Variants in CADM2 observed in about 807,000 individuals in gnomAD.
CADM2 encodes immunoglobulin superfamily member 4D.
A neutral mutation model predicts 49.8 loss-of-function variants in CADM2; 12 were observed. That is an observed-to-expected ratio of 0.24 (90% CI 0.15 to 0.39). The LOEUF is 0.39. Among genes scored for constraint, CADM2 ranks in the 10% least tolerant of loss-of-function variants. The pLI, the probability that CADM2 is intolerant of heterozygous loss-of-function variation, is 1.00. For synonymous variants in CADM2, 214 were observed against 175.4 expected (o/e 1.22, Z -1.74); for missense variants, 378 against 492.3 (o/e 0.77, Z 2.20).
intron 5 of CADM2, among the ~76,000 whole-genome samples, chr3:85,898,818 G>A (rs1235941653): frequency 6.7e-6 from 1 of 149,882 alleles, no homozygotes; most frequent in Admixed American, 6.7e-5. Flanking sequence ...ATTTTTCTTA[G>A]GCAAATGCCT....
chr3:86,020,912 C>A (rs1733074109), intron 8 of CADM2, among the ~76,000 whole-genome samples: 1 of 152,076 alleles, frequency 6.6e-6, no homozygotes, highest in Non-Finnish European at 1.5e-5. Context: ...GAAGCATTCC[C>A]TTTGAAAACT....
intron 8 of CADM2, among the ~76,000 whole-genome samples, chr3:85,997,936 T>C (rs1019950675): frequency 2.0e-5 from 3 of 152,216 alleles, no homozygotes; most frequent in Non-Finnish European, 1.5e-5. Context: ...GTATCATTTA[T>C]CATCAATTCA....
At chr3:85,316,388 C>A (rs2044464654) in intron 1 of CADM2, among the ~76,000 whole-genome samples, 1 of 152,064 alleles carries the variant, frequency 6.6e-6, no homozygotes, top group Non-Finnish European at 1.5e-5. Flanking sequence ...GTATTCTAAT[C>A]CTCTGCTTAG....
intron 8 of CADM2, chr3:85,992,140 C>T (rs555984453): frequency 2.6e-5 from 4 of 151,942 alleles, no homozygotes; most frequent in African/African-American, 9.6e-5. Flanking sequence ...AAAAAAGAGA[C>T]TTCCTTATCC....
chr3:85,288,206 A>G (rs2043684361), intron 1 of CADM2, among the ~76,000 whole-genome samples: 1 of 152,118 alleles, frequency 6.6e-6, no homozygotes, highest in South Asian at 2.1e-4. Flanking sequence ...AATGCGTTTA[A>G]TATTCTACCA....
intron 1 of CADM2, among the ~76,000 whole-genome samples, chr3:84,994,990 G>A (rs747684766): frequency 1.1e-4 from 17 of 152,020 alleles, no homozygotes; most frequent in East Asian, 7.8e-4. Flanking sequence ...AAATTGAACC[G>A]TTGCACTCCA....
intron 6 of CADM2, among the ~76,000 whole-genome samples, chr3:85,927,642 G>A (rs1325661564): frequency 6.6e-6 from 1 of 152,080 alleles, no homozygotes; most frequent in Non-Finnish European, 1.5e-5. Context: ...CAATGCAAAT[G>A]ACTGCTACTT....
chr3:85,388,359 A>G (rs2034351211), intron 1 of CADM2, among the ~76,000 whole-genome samples: 1 of 152,134 alleles, frequency 6.6e-6, no homozygotes, highest in South Asian at 2.1e-4. Flanking sequence ...CGTCACAATA[A>G]TATGTTTGGC....
In CADM2 at chr3:85,896,300, A is replaced by G. The variant is rs142779548; in HGVS notation, c.529+9973A>G. Among the ~76,000 whole-genome samples, 1,441 of 152,264 alleles carry G rather than the reference A, an allele frequency of 9.5e-3. 12 individuals are homozygous for G. The highest frequency in any genetic ancestry group is 0.026 in the South Asian group (126 of 4,828). Reference sequence around the variant, plus strand: ...GACCTCGTCTCAAATAAAAGAGAAAAAAGTTTGAGGTTGAAGTAATTATAC... The same window carrying G: ...GACCTCGTCTCAAATAAAAGAGAAAGAAGTTTGAGGTTGAAGTAATTATAC... On this transcript the variant is annotated intron_variant, in intron 5 of 9. Transcript: ENST00000383699.
intron 1 of CADM2, among the ~76,000 whole-genome samples, chr3:85,712,340 A>G (rs964726259): frequency 2.0e-5 from 3 of 152,184 alleles, no homozygotes; most frequent in African/African-American, 7.2e-5. Context: ...TGGTTTGTTT[A>G]GTATATCACA....
At chr3:85,474,996 G>A (rs2038919867) in intron 1 of CADM2, among the ~76,000 whole-genome samples, 2 of 151,704 alleles carry the variant, frequency 1.3e-5, no homozygotes, top group Non-Finnish European at 2.9e-5. Flanking sequence ...CACACCACCG[G>A]CACAATCATG....
chr3:85,421,918 C>T (rs1157079574), intron 1 of CADM2, among the ~76,000 whole-genome samples: 1 of 152,178 alleles, frequency 6.6e-6, no homozygotes, highest in African/African-American at 2.4e-5. Context: ...GCTATTGTTT[C>T]ACAGAAAAAA....
At chr3:85,354,999 A>G (rs2031734098) in intron 1 of CADM2, among the ~76,000 whole-genome samples, 1 of 152,122 alleles carries the variant, frequency 6.6e-6, no homozygotes, top group Admixed American at 6.6e-5. Context: ...AGCTTGACCC[A>G]TGCTAATGTC....
intron 8 of CADM2, among the ~76,000 whole-genome samples, chr3:85,969,358 T>A (rs1725832228): frequency 1.3e-5 from 2 of 151,430 alleles, no homozygotes; most frequent in South Asian, 4.1e-4. Flanking sequence ...GTTATCAAGG[T>A]CATTTTCTTT....
intron 1 of CADM2, among the ~76,000 whole-genome samples, chr3:85,372,558 G>A (rs555813326): frequency 8.4e-4 from 128 of 151,932 alleles, no homozygotes; most frequent in African/African-American, 3.0e-3. Context: ...TAGGTAGAGG[G>A]CAATTAATTT....
At chr3:85,326,289 G>GA (rs534033701) in intron 1 of CADM2, among the ~76,000 whole-genome samples, 49 of 150,424 alleles carry the variant, frequency 3.3e-4, no homozygotes, top group Admixed American at 6.6e-5. Context: ...TTCAGGAATT[G>GA]AAAAAAAAAT....
At chr3:85,579,377 G>C (rs2062729003) in intron 1 of CADM2, among the ~76,000 whole-genome samples, 1 of 151,994 alleles carries the variant, frequency 6.6e-6, no homozygotes, top group Admixed American at 6.6e-5. Context: ...CACAATCACT[G>C]CCTAGTTTAC....
At chr3:85,601,124 A>ATGTGTGTGTGTG (rs10663541) in intron 1 of CADM2, among the ~76,000 whole-genome samples, 81 of 61,612 alleles carry the variant, frequency 1.3e-3, no homozygotes, top group African/African-American at 4.5e-3. Context: ...GCATTTATAT[A>ATGTGTGTGTGTG]TGTGTGTATA....
intron 5 of CADM2, among the ~76,000 whole-genome samples, chr3:85,899,576 A>C (rs936516314): frequency 4.6e-5 from 7 of 151,770 alleles, no homozygotes; most frequent in Admixed American, 3.9e-4. Context: ...ATTGTTGTAT[A>C]TTTTCATATT....
Sources: allele counts gnomAD v4.1 joint callset (sites outside exome capture counted in the v4.1 genomes callset), GRCh38; gene constraint gnomAD v4.1.1; transcripts MANE v1.5; gene names NCBI Gene and HGNC (gene_info 2026-07-23, HGNC 2026-07-21).